ARHGAP24: variants seen among roughly 807,000 people sequenced by gnomAD.
ARHGAP24 encodes rho GTPase-activating protein 24.
In ARHGAP24, 50 loss-of-function variants were observed where a neutral mutation model predicts 76.4. The observed-to-expected ratio is 0.65, with a 90% CI of 0.52 to 0.83. The LOEUF (loss-of-function observed/expected upper bound fraction) is 0.83. Ranked by LOEUF, ARHGAP24 falls within the 40% of genes least tolerant of loss-of-function variation. The pLI, the probability that ARHGAP24 is intolerant of heterozygous loss-of-function variation, is 0.00. For missense variants in ARHGAP24, 930 were observed against 914.2 expected (o/e 1.02, Z -0.22); for synonymous variants, 345 against 323.3 (o/e 1.07, Z -0.72).
intron 3 of ARHGAP24, among the ~76,000 whole-genome samples, chr4:85,797,161 GT>G (rs71672797): frequency 0.26 from 38,818 of 148,300 alleles, 5,269 homozygotes; most frequent in African/African-American, 0.31. Flanking sequence ...AATTTTTTTT[GT>G]TTTTTTTTTT....
Position 85,923,731 on chromosome 4 carries a change from A to AATTC in ARHGAP24, c.353_354insTTCA (p.Lys118AsnfsTer28), listed in dbSNP as rs1192453823. On this transcript the variant is annotated frameshift_variant, in exon 4 of 10. Coordinates refer to ENST00000395184, the MANE Select transcript of ARHGAP24 (RefSeq NM_001025616.3). LOFTEE classifies it high-confidence loss of function. Reference sequence around the variant, plus strand: ...CCAGAATGATATGGAAGACTGGGTGAAGTCAATCCGCCGAGTCATATGGGG... The same window carrying AATTC: ...CCAGAATGATATGGAAGACTGGGTGAATTCAGTCAATCCGCCGAGTCATATGGGG... 1.2e-6 allele frequency: 2 copies of AATTC among 1,614,006 alleles called. No individual in the cohort carries two copies. The highest frequency in any genetic ancestry group is 2.2e-5 in the South Asian group (2 of 91,084).
At chr4:85,597,428 A>C (rs1388728229) in intron 2 of ARHGAP24, among the ~76,000 whole-genome samples, 3 of 152,136 alleles carry the variant, frequency 2.0e-5, no homozygotes, top group Middle Eastern at 3.4e-3. Flanking sequence ...AGTGATGCCT[A>C]GAGGGACGGA....
At chr4:85,722,088 C>A in intron 3 of ARHGAP24, 116 bp downstream of exon 3, 2 of 953,790 alleles carry the variant, frequency 2.1e-6, no homozygotes, top group Non-Finnish European at 3.3e-6. Context: ...TAATTTGAGG[C>A]TTGGTTAGTG....
At position 85,780,284 on chromosome 4, in the gene ARHGAP24, C is replaced by T. The variant is rs184769635; in HGVS notation, c.268+58312C>T. On this transcript the variant is annotated intron_variant, in intron 3 of 9. Coordinates refer to ENST00000395184, the MANE Select transcript of ARHGAP24 (RefSeq NM_001025616.3). ...CACCTCCTGGATTCAAGTGATTCTC[C>T]TGCCTCAGCCTCCAGAGTAGCTGGG... Among the ~76,000 whole-genome samples the T allele has an allele frequency of 5.4e-3, 819 of 152,222 alleles. 3 individuals carry two copies. The highest frequency in any genetic ancestry group is 8.4e-3 in the Non-Finnish European group (570 of 68,014).
chr4:85,670,540 G>C (rs564698199), intron 2 of ARHGAP24, among the ~76,000 whole-genome samples: 1 of 152,256 alleles, frequency 6.6e-6, no homozygotes, highest in South Asian at 2.1e-4. Context: ...TCTGTCCTCT[G>C]TCTTCTCTTT....
chr4:85,507,478 G>A (rs111553426), intron 1 of ARHGAP24, among the ~76,000 whole-genome samples: 1 of 152,162 alleles, frequency 6.6e-6, no homozygotes, highest in African/African-American at 2.4e-5. Flanking sequence ...CTTATAGTAG[G>A]TATTTAGTGT....
chr4:85,626,211 G>C (rs1227919522), intron 2 of ARHGAP24, among the ~76,000 whole-genome samples: 1 of 152,152 alleles, frequency 6.6e-6, no homozygotes, highest in Admixed American at 6.6e-5. Context: ...GCTGTTACTG[G>C]TTTTTCCTTT....
chr4:85,812,494 T>C (rs984695665), intron 3 of ARHGAP24, among the ~76,000 whole-genome samples: 3 of 152,006 alleles, frequency 2.0e-5, no homozygotes, highest in African/African-American at 7.2e-5. Context: ...AACCCAACAT[T>C]TGAAACTCTA....
At chr4:85,547,886 G>A (rs1725980326) in intron 1 of ARHGAP24, among the ~76,000 whole-genome samples, 3 of 152,092 alleles carry the variant, frequency 2.0e-5, no homozygotes, top group African/African-American at 7.2e-5. Flanking sequence ...ACTAGTTTTT[G>A]CATCCATTGT....
intron 1 of ARHGAP24, among the ~76,000 whole-genome samples, chr4:85,497,100 G>A (rs1349407430): frequency 1.3e-5 from 2 of 152,184 alleles, no homozygotes; most frequent in Non-Finnish European, 1.5e-5. Flanking sequence ...ATATGAAACG[G>A]TTAAAACGAT....
At chr4:85,836,784 G>A (rs1730314396) in intron 3 of ARHGAP24, among the ~76,000 whole-genome samples, 1 of 152,206 alleles carries the variant, frequency 6.6e-6, no homozygotes, top group African/African-American at 2.4e-5. Context: ...TATTCGAAGT[G>A]TGGTCAGTGA....
intron 3 of ARHGAP24, among the ~76,000 whole-genome samples, chr4:85,779,710 A>G (rs1279830170): frequency 1.3e-5 from 2 of 152,134 alleles, no homozygotes; most frequent in East Asian, 1.9e-4. Flanking sequence ...TCACCGATCC[A>G]TAGAGGGTCT....
intron 2 of ARHGAP24, among the ~76,000 whole-genome samples, chr4:85,673,139 T>C (rs1486726006): frequency 6.6e-6 from 1 of 152,150 alleles, no homozygotes; most frequent in East Asian, 1.9e-4. Flanking sequence ...AAATGTTCAG[T>C]CTATAGCAGC....
At chr4:85,510,251 T>A (rs916923452) in intron 1 of ARHGAP24, among the ~76,000 whole-genome samples, 1 of 152,160 alleles carries the variant, frequency 6.6e-6, no homozygotes, top group Non-Finnish European at 1.5e-5. Flanking sequence ...CAGATACTTA[T>A]CATTGTGAAA....
At chr4:85,559,818 C>T (rs927804131) in intron 1 of ARHGAP24, among the ~76,000 whole-genome samples, 2 of 152,154 alleles carry the variant, frequency 1.3e-5, no homozygotes, top group Non-Finnish European at 2.9e-5. Flanking sequence ...ATGATAGTTG[C>T]CGTCTTCACT....
chr4:85,916,539 T>C (rs998434103), intron 3 of ARHGAP24, among the ~76,000 whole-genome samples: 3 of 152,288 alleles, frequency 2.0e-5, no homozygotes, highest in Non-Finnish European at 4.4e-5. Flanking sequence ...AGCTTATAGT[T>C]GTATGAGTGA....
At chr4:85,685,088 T>C (rs1723369133) in intron 2 of ARHGAP24, among the ~76,000 whole-genome samples, 1 of 152,232 alleles carries the variant, frequency 6.6e-6, no homozygotes, top group Non-Finnish European at 1.5e-5. Context: ...TTTCTCTAAA[T>C]TTTTCTTTAT....
At chr4:85,972,899 T>C (rs1739073770) in intron 6 of ARHGAP24, among the ~76,000 whole-genome samples, 1 of 152,210 alleles carries the variant, frequency 6.6e-6, no homozygotes, top group Non-Finnish European at 1.5e-5. Flanking sequence ...ACTCATGTTG[T>C]GCCACTTATA....
intron 3 of ARHGAP24, among the ~76,000 whole-genome samples, chr4:85,899,147 G>T (rs1209494973): frequency 7.2e-5 from 11 of 152,168 alleles, no homozygotes; most frequent in African/African-American, 2.4e-4. Flanking sequence ...ACAAGCTAAT[G>T]AGTAATGTCT....
Sources: allele counts gnomAD v4.1 joint callset (sites outside exome capture counted in the v4.1 genomes callset), GRCh38; gene constraint gnomAD v4.1.1; transcripts MANE v1.5; gene names NCBI Gene and HGNC (gene_info 2026-07-23, HGNC 2026-07-21).